The following GAB2 variants were observed in gnomAD, a reference collection of about 807,000 sequenced individuals.
The protein encoded by GAB2 is GRB2 associated binding protein 2.
In GAB2, 26 loss-of-function variants were observed where a neutral mutation model predicts 65.5. That is an observed-to-expected ratio of 0.40 (90% CI 0.29 to 0.55). GAB2 has a LOEUF of 0.55. GAB2 is among the 20% of genes least tolerant of loss of function. GAB2 has a pLI of 0.53. For missense variants in GAB2, 884 were observed against 875.8 expected, an observed-to-expected ratio of 1.01 and a Z score of -0.12; for synonymous variants, 321 against 329.6, an observed-to-expected ratio of 0.97 and a Z score of 0.28.
At chr11:78,299,477 G>A (rs182900277) in intron 1 of GAB2, among the ~76,000 whole-genome samples, 21 of 152,300 alleles carry the variant, frequency 1.4e-4, no homozygotes, top group Admixed American at 6.5e-4. Context: ...CACAAAGTCT[G>A]GTGCTTTCTG....
chr11:78,396,215 G>A (rs373941948), intron 1 of GAB2, among the ~76,000 whole-genome samples: 5 of 152,172 alleles, frequency 3.3e-5, no homozygotes, highest in Non-Finnish European at 4.4e-5. Flanking sequence ...AAGTTTCACC[G>A]TAGTTCAAAC....
In GAB2 at chr11:78,250,234, C is replaced by T. The variant is rs760926311; in HGVS notation, c.543G>A (p.Gln181=). 41 of 1,613,284 alleles carry T rather than the reference C, an allele frequency of 2.5e-5. No individual in the cohort carries two copies. The highest frequency in any genetic ancestry group is 1.6e-4 in the Middle Eastern group (1 of 6,080). Residue 181 remains glutamine, a synonymous_variant, in exon 3 of 10, where the codon CAG becomes CAA. Transcript: ENST00000361507. The part of the protein sequence containing the change: ...TFEPPVSNHM[Q]PTLSTSAPQE... ...GAGGTGCGCTGGTGGACAAGGTGGG[C>T]TGCATGTGGTTTGACACAGGGGGTT...
intron 2 of GAB2, among the ~76,000 whole-genome samples, chr11:78,275,939 C>A (rs1298160525): frequency 3.3e-5 from 5 of 151,778 alleles, no homozygotes; most frequent in Non-Finnish European, 7.4e-5. Context: ...CAGGGTGAAA[C>A]CCTGTCTCTA....
At chr11:78,352,350 C>T (rs767748814) in intron 1 of GAB2, among the ~76,000 whole-genome samples, 2 of 152,202 alleles carry the variant, frequency 1.3e-5, no homozygotes, top group African/African-American at 4.8e-5. Context: ...ACGTCATCCC[C>T]GTTACATGCA....
At chr11:78,295,564 G>T (rs901910181) in intron 1 of GAB2, among the ~76,000 whole-genome samples, 2 of 152,090 alleles carry the variant, frequency 1.3e-5, no homozygotes, top group Non-Finnish European at 2.9e-5. Flanking sequence ...TTATGGAAAG[G>T]GCAGACAAGT....
At chr11:78,223,289 C>T in intron 6 of GAB2, 123 bp downstream of exon 6, 1 of 741,224 alleles carries the variant, frequency 1.3e-6, no homozygotes, top group Non-Finnish European at 2.1e-6. Flanking sequence ...AACTGAGACT[C>T]AGATTTTACA....
intron 1 of GAB2, among the ~76,000 whole-genome samples, chr11:78,330,291 G>A (rs1855893505): frequency 6.6e-6 from 1 of 152,176 alleles, no homozygotes; most frequent in South Asian, 2.1e-4. Flanking sequence ...AAAGTATCTG[G>A]AGTGGTTTCC....
chr11:78,357,022 T>C (rs1410998786), intron 1 of GAB2, among the ~76,000 whole-genome samples: 1 of 152,222 alleles, frequency 6.6e-6, no homozygotes, highest in Non-Finnish European at 1.5e-5. Context: ...AGGGAGTTTC[T>C]GTTTAATGGG....
Position 78,220,400 on chromosome 11 carries a change from A to C in GAB2, c.1806T>G (p.Ser602Arg). 3 of 1,604,034 alleles carry C rather than the reference A, an allele frequency of 1.9e-6. No homozygotes were observed. Among genetic ancestry groups the C allele is most frequent in the Non-Finnish European group, 2.6e-6 (3 of 1,172,224 alleles). ...SASPVPSGTN[S>R]PAPKKSTGSV... ...TGCCGGTGCTCTTCTTAGGGGCAGG[A>C]CTGTTCGTGCCACTGGGAACGGGAG... Residue 602 changes from serine to arginine, a missense_variant, in exon 9 of 10, where the codon AGT becomes AGG. Physicochemically the swap from Ser to Arg is moderately radical, Grantham distance 110. Transcript: ENST00000361507.
At chr11:78,239,498 C>T (rs1446101157) in intron 3 of GAB2, among the ~76,000 whole-genome samples, 16 of 152,296 alleles carry the variant, frequency 1.1e-4, no homozygotes, top group Middle Eastern at 3.4e-3. Context: ...GGATTACAGG[C>T]GTGAGCCACC....
At chr11:78,285,751 G>A (rs903464861) in intron 1 of GAB2, among the ~76,000 whole-genome samples, 1 of 152,196 alleles carries the variant, frequency 6.6e-6, no homozygotes, top group African/African-American at 2.4e-5. Context: ...ACAGGCGTGA[G>A]CCACGGCATG....
chr11:78,279,865 T>C (rs1048907307), intron 2 of GAB2, among the ~76,000 whole-genome samples: 1 of 152,242 alleles, frequency 6.6e-6, no homozygotes, highest in Non-Finnish European at 1.5e-5. Flanking sequence ...TGAACATTCT[T>C]GTACAAGTGT....
In GAB2 at chr11:78,404,069, T is replaced by C. The variant is rs112940822; in HGVS notation, c.75+13577A>G. 7.8e-3 allele frequency among the ~76,000 whole-genome samples: 1,183 copies of C among 152,208 alleles called. 12 individuals carry two copies. The highest frequency in any genetic ancestry group is 0.027 in the African/African-American group (1,126 of 41,522). On this transcript the variant is annotated intron_variant, in intron 1 of 9. Coordinates refer to ENST00000361507, the MANE Select transcript of GAB2 (RefSeq NM_080491.3). ...TGATAGTTCTTCAAAAAACTAAAAA[T>C]AGAACTACCATATGATCTAGCAATC...
intron 1 of GAB2, among the ~76,000 whole-genome samples, chr11:78,382,165 C>T (rs1420907315): frequency 1.3e-5 from 2 of 152,164 alleles, no homozygotes; most frequent in Non-Finnish European, 2.9e-5. Context: ...TAGCTGTACC[C>T]TCCTCTGTGC....
At chr11:78,286,080 A>G (rs1428190786) in intron 1 of GAB2, among the ~76,000 whole-genome samples, 2 of 152,190 alleles carry the variant, frequency 1.3e-5, no homozygotes, top group Non-Finnish European at 2.9e-5. Flanking sequence ...CATCCAACAA[A>G]TATTTATTCA....
chr11:78,417,535 G>C, intron 1 of GAB2, 111 bp downstream of exon 1: 295 of 193,426 alleles, frequency 1.5e-3, no homozygotes, highest in Middle Eastern at 5.3e-3. Context: ...CCGGCCCCCC[G>C]CGGCTCCGGG....
chr11:78,316,726 C>T (rs758766030), intron 1 of GAB2, among the ~76,000 whole-genome samples: 4 of 152,104 alleles, frequency 2.6e-5, no homozygotes, highest in Non-Finnish European at 4.4e-5. Flanking sequence ...GAGAGTAAGG[C>T]AATTCCTCAA....
chr11:78,387,924 T>C (rs1390839403), intron 1 of GAB2: 1 of 152,244 alleles, frequency 6.6e-6, no homozygotes, highest in Non-Finnish European at 1.5e-5. Context: ...TTTAGTTTCT[T>C]ATCCACAAAA....
intron 1 of GAB2, among the ~76,000 whole-genome samples, chr11:78,302,420 C>T (rs1448038636): frequency 6.6e-6 from 1 of 151,866 alleles, no homozygotes; most frequent in Non-Finnish European, 1.5e-5. Flanking sequence ...GGCTAACAGA[C>T]ATATGAAAAA....
Sources: allele counts gnomAD v4.1 joint callset (sites outside exome capture counted in the v4.1 genomes callset), GRCh38; gene constraint gnomAD v4.1.1; transcripts MANE v1.5; gene names NCBI Gene and HGNC (gene_info 2026-07-23, HGNC 2026-07-21).